SCART1: variants seen among roughly 807,000 people sequenced by gnomAD.
SCART1 encodes scavenger receptor cysteine-rich domain-containing protein SCART1.
Under a neutral mutation model 36.2 loss-of-function variants are expected in SCART1, and 62 were observed. The observed-to-expected ratio is 1.71, with a 90% confidence interval of 1.40 to 2.12. The LOEUF is 2.12. Ranked by LOEUF, SCART1 falls within the 30% of genes most tolerant of loss-of-function variation. The pLI, the probability that SCART1 is intolerant of heterozygous loss-of-function variation, is 0.00. For missense variants in SCART1, 1,041 were observed against 540.5 expected, an observed-to-expected ratio of 1.93 and a Z score of -9.18; for synonymous variants, 487 against 238.7, an observed-to-expected ratio of 2.04 and a Z score of -9.59.
rs1321560311 is a variant in SCART1 at position 133,456,555 on chromosome 10, G to A, written c.385+1G>A. ...TGGGTGGTGGTCGCGCTGTGCTCCA[G>A]TAAGTAGGGAGGAGTGAAGGGGACG... On this transcript the variant is annotated splice_donor_variant, in intron 2 of 11. Coordinates refer to ENST00000640237, the Ensembl canonical transcript of SCART1. LOFTEE classifies it high-confidence loss of function. 1.5e-5 allele frequency: 10 copies of A among 656,316 alleles called. No individual in the cohort carries two copies. Among genetic ancestry groups the A allele is most frequent in the Admixed American group, 1.1e-4 (5 of 46,940 alleles). The allele number at this position is 656,316 out of a possible 1,614,324, so 40.7% of individuals were successfully genotyped here. A position where few individuals can be genotyped will look rare whatever the true frequency, so the allele number is the denominator to read the frequency against.
At chr10:133,457,551 C>G (rs1433599103) in exon 3 of SCART1, 2 of 701,350 alleles carry the variant, frequency 2.9e-6, no homozygotes, top group Admixed American at 4.0e-5. Context: ...CGACCTGCGG[C>G]TGGACGCAGA....
Position 133,464,834 on chromosome 10 carries a change from CG to C in SCART1, c.2199del (p.Gln734ArgfsTer191). 1 of 702,880 alleles carries C rather than the reference CG, an allele frequency of 1.4e-6. No individual in the cohort carries two copies. The highest frequency in any genetic ancestry group is 2.6e-6 in the Non-Finnish European group (1 of 384,984). The allele number at this position is 702,880 out of a possible 1,614,324, so 43.5% of individuals were successfully genotyped here. A position where few individuals can be genotyped will look rare whatever the true frequency, so the allele number is the denominator to read the frequency against. On this transcript the variant is annotated frameshift_variant, in exon 7 of 12. Transcript: ENST00000640237. LOFTEE classifies it high-confidence loss of function. ...CGCCTGGGTGGACAACATCGAGTGC[CG>C]CAGGCTGCCCAACTCCACTCTGTGG...
At chr10:133,458,729 G>T in intron 4 of SCART1, 73 bp downstream of exon 4, 5 of 687,546 alleles carry the variant, frequency 7.3e-6, no homozygotes, top group South Asian at 4.6e-5. Flanking sequence ...GTGCCCTAAA[G>T]GTGCCTCTGG....
At position 133,459,666 on chromosome 10, in the gene SCART1, C is replaced by T. The variant is rs1272504772; in HGVS notation, c.1465C>T (p.Pro489Ser). ...CCAGCAAGCCTATGACGCACCTGCC[C>T]CCAGCCGCGGATCCGTCCAGGTGGC... Residue 489 changes from proline to serine, a missense_variant, in exon 6 of 12, where the codon CCC (proline) becomes TCC (serine). Pro to Ser is a moderately conservative substitution (Grantham distance 74). Transcript: ENST00000640237. 5.7e-6 allele frequency: 4 copies of T among 696,098 alleles called. No individual in the cohort carries two copies. The East Asian group carries it at 1.1e-4, about 19-fold the overall frequency. The allele number at this position is 696,098 out of a possible 1,614,324, so 43.1% of individuals were successfully genotyped here.
chr10:133,465,534 G>A (rs1425970999), exon 9 of SCART1: 2 of 528,598 alleles, frequency 3.8e-6, no homozygotes, highest in South Asian at 2.7e-5. Context: ...GAGACCGCGC[G>A]CACGAGGAGG....
chr10:133,458,077 G>T (rs570397897), intron 3 of SCART1: 1 of 649,140 alleles, frequency 1.5e-6, no homozygotes, highest in Non-Finnish European at 2.8e-6. Context: ...ATTGCAGAGG[G>T]TGTTGCTGTC....
intron 3 of SCART1, chr10:133,458,049 C>T: frequency 1.7e-6 from 1 of 595,952 alleles, no homozygotes; most frequent in Non-Finnish European, 3.0e-6. Flanking sequence ...CAAGGGGTGC[C>T]CTGACCTCGC....
intron 6 of SCART1, among the ~76,000 whole-genome samples, chr10:133,462,505 A>C (rs1024659106): frequency 2.0e-5 from 3 of 152,240 alleles, no homozygotes; most frequent in African/African-American, 7.2e-5. Flanking sequence ...TGTAATCCCA[A>C]CACCCAGAGA....
At chr10:133,454,148 T>C in intron 1 of SCART1, 84 bp downstream of exon 1, 2 of 697,990 alleles carry the variant, frequency 2.9e-6, no homozygotes, top group Non-Finnish European at 5.2e-6. Context: ...TGAGGGTCCC[T>C]GCAGTGACCT....
intron 4 of SCART1, 99 bp from the exon 5 acceptor site, chr10:133,458,922 T>C: frequency 1.6e-6 from 1 of 622,948 alleles, no homozygotes; most frequent in Non-Finnish European, 2.9e-6. Flanking sequence ...GGCTGGGCTC[T>C]GTGCCCATCC....
chr10:133,466,208 G>T (rs1168180344), intron 9 of SCART1, 27 bp from the exon 10 acceptor site: 1 of 697,864 alleles, frequency 1.4e-6, no homozygotes, highest in East Asian at 2.7e-5. Flanking sequence ...CCACCACCCA[G>T]CTGGCTCAAG....
chr10:133,465,259 G>A (rs1394098518), exon 9 of SCART1: 3 of 693,908 alleles, frequency 4.3e-6, no homozygotes, highest in East Asian at 2.7e-5. Flanking sequence ...AGAGGAGGGC[G>A]CACTGCGCGT....
intron 6 of SCART1, among the ~76,000 whole-genome samples, chr10:133,461,287 C>T (rs530060193): frequency 2.5e-4 from 38 of 151,368 alleles, no homozygotes; most frequent in Non-Finnish European, 4.1e-4. Flanking sequence ...GAGAGGGTCA[C>T]GGGCTGCCCA....
At chr10:133,466,253 C>A (rs777664391) in exon 10 of SCART1, 4 of 702,744 alleles carry the variant, frequency 5.7e-6, no homozygotes, top group South Asian at 3.0e-5. Flanking sequence ...CCAGGCCCCC[C>A]ACTGCCTGCA....
chr10:133,464,630 G>A (rs2133557766), exon 7 of SCART1: 1 of 662,028 alleles, frequency 1.5e-6, no homozygotes, highest in Non-Finnish European at 2.8e-6. Context: ...AGGCTGCGAG[G>A]TGGGACCTGC....
intron 9 of SCART1, chr10:133,465,987 CA>C: frequency 1.5e-6 from 1 of 675,398 alleles, no homozygotes; most frequent in Non-Finnish European, 2.7e-6. Flanking sequence ...CTTGCCCTGG[CA>C]TCTGCCTGGG....
At chr10:133,469,512 A>G (rs569437387), downstream of SCART1, among the ~76,000 whole-genome samples, 2 of 152,082 alleles carry the variant, frequency 1.3e-5, no homozygotes, top group East Asian at 3.9e-4. Context: ...CAAACACTGC[A>G]TGTTCTCACT....
At chr10:133,459,641 C>G in exon 6 of SCART1, 1 of 683,936 alleles carries the variant, frequency 1.5e-6, no homozygotes, top group Non-Finnish European at 2.7e-6. Context: ...GCAGAGGGGC[C>G]CAGCAAGCCT....
chr10:133,458,640 G>A (rs1005651647), exon 4 of SCART1: 4 of 700,164 alleles, frequency 5.7e-6, no homozygotes, highest in African/African-American at 1.7e-5. Context: ...GTCACGACGC[G>A]GGGCTCAGGT....
Sources: allele counts gnomAD v4.1 joint callset (sites outside exome capture counted in the v4.1 genomes callset), GRCh38; gene constraint gnomAD v4.1.1; transcripts MANE v1.5; gene names NCBI Gene and HGNC (gene_info 2026-07-23, HGNC 2026-07-21).